The following NIPAL4 variants were observed in gnomAD, a reference collection of about 807,000 sequenced individuals.
NIPAL4 encodes the protein NIPA like domain containing 4.
NIPAL4 carries 21 observed loss-of-function variants against 31.6 expected under a neutral mutation model. That is an observed-to-expected ratio of 0.67 (90% CI 0.47 to 0.96). The LOEUF (loss-of-function observed/expected upper bound fraction) is 0.96, where lower values mean the gene tolerates loss of function less well. Ranked by LOEUF, NIPAL4 falls within the 40% of genes least tolerant of loss-of-function variation. NIPAL4 has a pLI of 0.00. For missense variants in NIPAL4, 438 were observed against 508.0 expected (o/e 0.86, Z 1.32); for synonymous variants, 175 against 211.1 (o/e 0.83, Z 1.48).
Position 157,473,350 on chromosome 5 carries a change from T to C in NIPAL4, c.*390T>C. The C allele has an allele frequency of 5.9e-6, 1 of 169,486 alleles. No individual in the cohort carries two copies. Among genetic ancestry groups the C allele is most frequent in the African/African-American group, 2.4e-5 (1 of 41,948 alleles). 10.5% of individuals were successfully genotyped at this position (169,486 alleles called of 1,614,324 possible). A position where few individuals can be genotyped will look rare whatever the true frequency, so the allele number is the denominator to read the frequency against. On this transcript the variant is annotated 3_prime_UTR_variant, in exon 6 of 6. Transcript: ENST00000311946. ...AGTTCCTTCACACCAATTCTCCTCC[T>C]GAGACGGAATCTCCGTTGTTGTTGT...
chr5:157,467,007 T>G, intron 2 of NIPAL4, 42 bp from the exon 3 acceptor site: 2 of 1,509,054 alleles, frequency 1.3e-6, no homozygotes, highest in Non-Finnish European at 1.8e-6. Context: ...TGAGAAAGTG[T>G]GGCCAAGTTC....
At chr5:157,464,628 G>A (rs1297031527) in intron 2 of NIPAL4, among the ~76,000 whole-genome samples, 1 of 152,120 alleles carries the variant, frequency 6.6e-6, no homozygotes, top group East Asian at 1.9e-4. Context: ...AGGGGCGGGG[G>A]AAGGAGTCAA....
At position 157,472,892 on chromosome 5, in the gene NIPAL4, G is replaced by T; in HGVS notation, c.1147G>T (p.Asp383Tyr). Residue 383 changes from aspartate (D) to tyrosine (Y), a missense_variant, in exon 6 of 6, where the codon GAC becomes TAC. Physicochemically the swap from Asp to Tyr is radical, Grantham distance 160 (BLOSUM62 -3). Coordinates refer to ENST00000311946, the MANE Select transcript of NIPAL4 (RefSeq NM_001099287.2). ...ACTGGAAGACAAGAACGTCCTTGTG[G>T]ACAATATAGAACTTGCCAGCACCTC... ...IRLEDKNVLV[D>Y]NIELASTSSP... 1 of 1,553,806 alleles carries T rather than the reference G, an allele frequency of 6.4e-7. No homozygotes were observed. Among genetic ancestry groups the T allele is most frequent in the Non-Finnish European group, 8.7e-7 (1 of 1,148,256 alleles).
intron 2 of NIPAL4, 73 bp from the exon 3 acceptor site, chr5:157,466,976 C>A: frequency 1.7e-6 from 2 of 1,150,316 alleles, no homozygotes; most frequent in Non-Finnish European, 2.6e-6. Flanking sequence ...GGGGAGTGAG[C>A]AGAGAGTTAG....
chr5:157,472,818 T>G lies in NIPAL4; in HGVS notation c.1073T>G (p.Met358Arg). The G allele has an allele frequency of 6.2e-7, 1 of 1,603,382 alleles. No homozygotes were observed. Among genetic ancestry groups the G allele is most frequent in the Non-Finnish European group, 8.5e-7 (1 of 1,172,060 alleles). ...LDISCASLPH[M>R]HKNPPPSPAP... is the part of the protein sequence containing the mutation. ...ATCAGCTGCGCCAGCTTGCCCCACA[T>G]GCACAAAAACCCACCCCCTTCTCCC... The change falls in exon 6 of 6, where the codon ATG (methionine) becomes AGG (arginine). Residue 358 changes from methionine (M) to arginine (R), a missense_variant. By Grantham distance (91) the Met-to-Arg change is moderately conservative. Transcript: ENST00000311946.
chr5:157,472,404 G>C lies in NIPAL4; in HGVS notation c.659G>C (p.Gly220Ala). ...ILIFVIAPRY[G>A]QRNILIYIII... Reference sequence around the variant, plus strand: ...ATCTTTGTCATTGCCCCACGTTACGGGCAAAGGAATATCCTCATCTACATC... The same window carrying C: ...ATCTTTGTCATTGCCCCACGTTACGCGCAAAGGAATATCCTCATCTACATC... Residue 220 changes from glycine to alanine, a missense_variant, in exon 6 of 6, where the codon GGG (glycine) becomes GCG (alanine). By Grantham distance (60) the Gly-to-Ala change is moderately conservative (BLOSUM62 0). Coordinates refer to ENST00000311946, the MANE Select transcript of NIPAL4 (RefSeq NM_001099287.2). 6.2e-7 allele frequency: 1 copy of C among 1,613,412 alleles called. No individual in the cohort carries two copies. The highest frequency in any genetic ancestry group is 8.5e-7 in the Non-Finnish European group (1 of 1,179,706).
In NIPAL4 at chr5:157,460,277, C is replaced by G; in HGVS notation, c.-44C>G. 6.5e-7 allele frequency: 1 copy of G among 1,545,682 alleles called. No individual in the cohort carries two copies. Among genetic ancestry groups the G allele is most frequent in the Non-Finnish European group, 8.7e-7 (1 of 1,145,014 alleles). On this transcript the variant is annotated 5_prime_UTR_variant, in exon 1 of 6. Transcript: ENST00000311946. Reference sequence around the variant, plus strand: ...CCACCTGCTCCGGAGCTGGGGAGCCCGGGCGCCGTCCGCCCGCGCGTCGGT... The same window carrying G: ...CCACCTGCTCCGGAGCTGGGGAGCCGGGGCGCCGTCCGCCCGCGCGTCGGT...
At chr5:157,462,978 T>C (rs1019126356) in intron 1 of NIPAL4, 116 bp from the exon 2 acceptor site, 74 of 1,328,270 alleles carry the variant, frequency 5.6e-5, no homozygotes, top group Non-Finnish European at 7.6e-5. Context: ...GCACGGTATA[T>C]GGGTATAGCC....
intron 1 of NIPAL4, chr5:157,460,596 G>C: frequency 1.5e-6 from 1 of 671,208 alleles, no homozygotes; most frequent in Non-Finnish European, 2.7e-6. Flanking sequence ...CCCCTGGGTT[G>C]AGATGGGGGG....
At chr5:157,471,930 G>C (rs1417177584) in intron 5 of NIPAL4, 113 bp downstream of exon 5, 3 of 772,912 alleles carry the variant, frequency 3.9e-6, no homozygotes, top group Non-Finnish European at 6.6e-6. Context: ...ACCTAGAGGA[G>C]AAGGCAAGCT....
intron 2 of NIPAL4, among the ~76,000 whole-genome samples, chr5:157,465,571 C>T (rs1754249711): frequency 6.6e-6 from 1 of 152,124 alleles, no homozygotes; most frequent in African/African-American, 2.4e-5. Context: ...CGTGCCAGGT[C>T]CTGAACAAAG....
chr5:157,472,980 A>G lies in NIPAL4; in HGVS notation c.*20A>G. 1.3e-6 allele frequency: 2 copies of G among 1,501,920 alleles called. No homozygotes were observed. The highest frequency in any genetic ancestry group is 1.8e-6 in the Non-Finnish European group (2 of 1,129,240). The allele number at this position is 1,501,920 out of a possible 1,614,324, so 93.0% of individuals were successfully genotyped here. On this transcript the variant is annotated 3_prime_UTR_variant, in exon 6 of 6. Transcript: ENST00000311946. ...TCCTGAAGCTTGGAATATGTGAGTG[A>G]GAGGATGAGTCCGATGGTACAGCCT... is the stretch of plus-strand genomic sequence containing the variant.
intron 4 of NIPAL4, among the ~76,000 whole-genome samples, chr5:157,469,992 C>T (rs1351263541): frequency 6.6e-6 from 1 of 152,158 alleles, no homozygotes; most frequent in Non-Finnish European, 1.5e-5. Context: ...GTGGCCCCTG[C>T]CTGCATGAAT....
Position 157,472,928 on chromosome 5 carries a change from G to A in NIPAL4, c.1183G>A (p.Glu395Lys). 1 of 1,520,474 alleles carries A rather than the reference G, an allele frequency of 6.6e-7. No homozygotes were observed. Among genetic ancestry groups the A allele is most frequent in the Non-Finnish European group, 8.8e-7 (1 of 1,135,486 alleles). The allele number at this position is 1,520,474 out of a possible 1,614,324, so 94.2% of individuals were successfully genotyped here. A position where few individuals can be genotyped will look rare whatever the true frequency, so the allele number is the denominator to read the frequency against. The change falls in exon 6 of 6, where the codon GAG (glutamate) becomes AAG (lysine). Residue 395 changes from glutamate to lysine, a missense_variant. Transcript: ENST00000311946. ...ACTTGCCAGCACCTCATCACCAGAAGAGAAACCCAAAGTATTTATAATCCA... is the reference window on the plus strand; with the variant it reads ...ACTTGCCAGCACCTCATCACCAGAAAAGAAACCCAAAGTATTTATAATCCA... ...IELASTSSPEEKPKVFIIHS is the reference protein window; with the variant it reads ...IELASTSSPEKKPKVFIIHS
In NIPAL4 at chr5:157,471,840, G is replaced by A. The variant is rs762064530; in HGVS notation, c.586+23G>A. The stretch of plus-strand genomic sequence containing the variant: ...CAGGTAGACTCCAAGCCCCTGAAGA[G>A]CAGGAAAATACTGGAGGTTGAACAC... On this transcript the variant is annotated intron_variant, in intron 5 of 5. Transcript: ENST00000311946. 53 of 1,562,116 alleles carry A rather than the reference G, an allele frequency of 3.4e-5. 1 individual carries two copies. In the South Asian group the frequency reaches 6.1e-4, roughly 18 times the overall value.
In NIPAL4 at chr5:157,474,281, C is replaced by G. The variant is rs535801098; in HGVS notation, c.*1321C>G. 3 of 152,380 alleles carry G rather than the reference C, an allele frequency of 2.0e-5. No homozygotes were observed. Among genetic ancestry groups the G allele is most frequent in the African/African-American group, 4.8e-5 (2 of 41,588 alleles). The allele number at this position is 152,380 out of a possible 1,614,324, so 9.4% of individuals were successfully genotyped here. ...AGAGGCATACAAAAAACCAGAGCAGCTGGAGAGGGAGATAATTACTATTCC... is the reference window on the plus strand; with the variant it reads ...AGAGGCATACAAAAAACCAGAGCAGGTGGAGAGGGAGATAATTACTATTCC... On this transcript the variant is annotated 3_prime_UTR_variant, in exon 6 of 6. Transcript: ENST00000311946.
chr5:157,472,334 TTCA>T lies in NIPAL4; in HGVS notation c.592_594del (p.Ile198del). On this transcript the variant is annotated inframe_deletion, in exon 6 of 6. Coordinates refer to ENST00000311946, the MANE Select transcript of NIPAL4 (RefSeq NM_001099287.2). ...TCCTTCTCTCTCTCCTCCCAAAGGG[TTCA>T]TCGTGTTTGCTGTGCTTCTGCTGGT... 1.3e-6 allele frequency: 2 copies of T among 1,599,384 alleles called. No individual in the cohort carries two copies. Among genetic ancestry groups the T allele is most frequent in the Non-Finnish European group, 1.7e-6 (2 of 1,174,932 alleles).
chr5:157,471,533 C>A, intron 4 of NIPAL4, 124 bp from the exon 5 acceptor site: 1 of 724,298 alleles, frequency 1.4e-6, no homozygotes, highest in Non-Finnish European at 2.2e-6. Context: ...GAAAACCTTC[C>A]ACGTGAGAAA....
chr5:157,465,219 C>A (rs889904052), intron 2 of NIPAL4, among the ~76,000 whole-genome samples: 17 of 152,140 alleles, frequency 1.1e-4, no homozygotes, highest in Non-Finnish European at 2.2e-4. Flanking sequence ...AGGCCAGAGA[C>A]CTTCCAGAGT....
Sources: gnomAD v4.1 joint callset for allele counts (sites outside exome capture counted in the v4.1 genomes callset) on GRCh38, gnomAD v4.1.1 for gene constraint, MANE v1.5 for transcripts, NCBI Gene and HGNC (gene_info 2026-07-23, HGNC 2026-07-21) for gene names.